Variants in AK5 observed in about 807,000 individuals in gnomAD.
AK5 encodes adenylate kinase isoenzyme 5.
Under a neutral mutation model 69.5 loss-of-function variants are expected in AK5, and 27 were observed. The observed-to-expected ratio is 0.39, with a 90% confidence interval of 0.29 to 0.54. The LOEUF is 0.54. Ranked by LOEUF, AK5 falls within the 20% of genes least tolerant of loss-of-function variation. The pLI, the probability that AK5 is intolerant of heterozygous loss-of-function variation, is 0.71. For synonymous variants in AK5, 260 were observed against 244.4 expected (o/e 1.06, Z -0.60); for missense variants, 531 against 700.4 (o/e 0.76, Z 2.73).
chr1:77,309,219 T>A (rs1659809229), intron 5 of AK5, among the ~76,000 whole-genome samples: 1 of 151,844 alleles, frequency 6.6e-6, no homozygotes, highest in African/African-American at 2.4e-5. Flanking sequence ...CTGCACATCC[T>A]GCACGTGTCC....
At chr1:77,435,740 T>G (rs1404557522) in intron 8 of AK5, among the ~76,000 whole-genome samples, 1 of 152,142 alleles carries the variant, frequency 6.6e-6, no homozygotes, top group Non-Finnish European at 1.5e-5. Context: ...AAGAGCAGAT[T>G]AGTACTTCAA....
chr1:77,410,210 A>G (rs1649946046), intron 6 of AK5, among the ~76,000 whole-genome samples: 1 of 152,054 alleles, frequency 6.6e-6, no homozygotes, highest in South Asian at 2.1e-4. Flanking sequence ...AATCCATAGA[A>G]TCCACAGACC....
chr1:77,536,897 C>T (rs547124341), intron 13 of AK5, among the ~76,000 whole-genome samples: 1 of 152,132 alleles, frequency 6.6e-6, no homozygotes, highest in Non-Finnish European at 1.5e-5. Flanking sequence ...ATGAGTGTAT[C>T]AACCTAGTGA....
chr1:77,512,067 C>G (rs1001509440), intron 10 of AK5, among the ~76,000 whole-genome samples: 1 of 152,186 alleles, frequency 6.6e-6, no homozygotes, highest in Non-Finnish European at 1.5e-5. Flanking sequence ...GCTTAAATAC[C>G]TCTCAGACTG....
intron 7 of AK5, among the ~76,000 whole-genome samples, chr1:77,412,173 T>C (rs934231113): frequency 1.3e-5 from 2 of 152,194 alleles, no homozygotes; most frequent in African/African-American, 2.4e-5. Flanking sequence ...CACCCCTTCT[T>C]TGGGACACCC....
chr1:77,482,992 TAAAAAAAAAAAAAAAAAAAAAAAA>T lies in AK5; in HGVS notation c.1060-300_1060-277del, dbSNP rs56718956. On this transcript the variant is annotated intron_variant, in intron 8 of 13. Transcript: ENST00000354567. The stretch of plus-strand genomic sequence containing the variant: ...CTGTCCACAGATAGTTTTTGCACTT[TAAAAAAAAAAAAAAAAAAAAAAAA>T]AAAAAAAAAAAAAAAAAAAAAAAAG... Among the ~76,000 whole-genome samples the T allele has an allele frequency of 1.6e-3, 72 of 43,916 alleles. 1 individual carries two copies. The highest frequency in any genetic ancestry group is 5.6e-3 in the East Asian group (13 of 2,318). 28.8% of individuals were successfully genotyped at this position (43,916 alleles called of 152,430 possible). A position where few individuals can be genotyped will look rare whatever the true frequency, so the allele number is the denominator to read the frequency against.
chr1:77,492,634 G>A (rs1200235940), intron 10 of AK5, among the ~76,000 whole-genome samples: 1 of 152,220 alleles, frequency 6.6e-6, no homozygotes, highest in Non-Finnish European at 1.5e-5. Context: ...TGAGGAAGAT[G>A]TCAGGGGGAA....
intron 8 of AK5, among the ~76,000 whole-genome samples, chr1:77,443,953 C>A (rs188616934): frequency 5.3e-5 from 8 of 151,502 alleles, no homozygotes; most frequent in African/African-American, 1.5e-4. Flanking sequence ...AAGACATGAG[C>A]AGCTATAAGA....
chr1:77,391,380 CAA>C (rs201607684), intron 6 of AK5, among the ~76,000 whole-genome samples: 2 of 116,400 alleles, frequency 1.7e-5, no homozygotes, highest in Admixed American at 8.8e-5. Context: ...GTACTTTATG[CAA>C]AAAAAAAAAT....
chr1:77,442,154 G>T (rs1557596391), intron 8 of AK5, among the ~76,000 whole-genome samples: 1 of 152,302 alleles, frequency 6.6e-6, no homozygotes, highest in Non-Finnish European at 1.5e-5. Flanking sequence ...GATGGGGAAA[G>T]GTATGACAGT....
chr1:77,444,273 ATATACACAACATATGT>A (rs1652547212), intron 8 of AK5, among the ~76,000 whole-genome samples: 1 of 60,916 alleles, frequency 1.6e-5, no homozygotes, highest in Non-Finnish European at 3.2e-5. Flanking sequence ...TATATAGTAT[ATATACACAACATATGT>A]GTATATATAT....
intron 13 of AK5, among the ~76,000 whole-genome samples, chr1:77,542,637 CTAAGTA>C (rs900394448): frequency 6.6e-6 from 1 of 151,952 alleles, no homozygotes; most frequent in Non-Finnish European, 1.5e-5. Flanking sequence ...TCTTTTTTTC[CTAAGTA>C]TAAGTAACAA....
chr1:77,330,683 T>C (rs1018080931), intron 5 of AK5, among the ~76,000 whole-genome samples: 9 of 152,258 alleles, frequency 5.9e-5, no homozygotes, highest in Non-Finnish European at 1.2e-4. Flanking sequence ...ATCACCTTGG[T>C]TATTCTTGAT....
At chr1:77,534,853 T>G (rs185151360) in intron 12 of AK5, among the ~76,000 whole-genome samples, 20 of 152,144 alleles carry the variant, frequency 1.3e-4, no homozygotes, top group Middle Eastern at 3.4e-3. Flanking sequence ...GAAAAGAAAA[T>G]AAAAACTTTA....
intron 8 of AK5, among the ~76,000 whole-genome samples, chr1:77,458,308 G>A (rs552377507): frequency 2.8e-4 from 42 of 151,656 alleles, no homozygotes; most frequent in Non-Finnish European, 4.7e-4. Flanking sequence ...TTGCTTTCTC[G>A]CACTGCTTCT....
intron 10 of AK5, among the ~76,000 whole-genome samples, chr1:77,506,511 G>A (rs1657038159): frequency 6.6e-6 from 1 of 152,040 alleles, no homozygotes. Flanking sequence ...GCCCTTTCCT[G>A]TCACCTGAGA....
intron 10 of AK5, among the ~76,000 whole-genome samples, chr1:77,505,589 C>T (rs1176145291): frequency 1.3e-5 from 2 of 151,924 alleles, no homozygotes; most frequent in Non-Finnish European, 2.9e-5. Flanking sequence ...ACAAGAGGGC[C>T]GACATGGTGG....
At chr1:77,518,776 A>G (rs1657815237) in intron 11 of AK5, 49 bp downstream of exon 11, 1 of 1,572,578 alleles carries the variant, frequency 6.4e-7, no homozygotes, top group Admixed American at 1.8e-5. Flanking sequence ...GTCTGGGGAG[A>G]CCTTTGGGGT....
chr1:77,435,517 G>A (rs111511851), intron 8 of AK5, among the ~76,000 whole-genome samples: 16,553 of 151,778 alleles, frequency 0.11, 1,018 homozygotes, highest in South Asian at 0.17. Context: ...GCATGGTGGC[G>A]TACACCTGCA....
Sources: gnomAD v4.1 joint callset for allele counts (sites outside exome capture counted in the v4.1 genomes callset) on GRCh38, gnomAD v4.1.1 for gene constraint, MANE v1.5 for transcripts, NCBI Gene and HGNC (gene_info 2026-07-23, HGNC 2026-07-21) for gene names.